Variants in SIPA1L2 observed in about 807,000 individuals in gnomAD.
SIPA1L2 encodes the protein signal-induced proliferation-associated 1-like protein 2.
A neutral mutation model predicts 163.9 loss-of-function variants in SIPA1L2; 56 were observed. The ratio of observed to expected loss-of-function variants is 0.34; its 90% CI spans 0.28 to 0.43. The LOEUF (loss-of-function observed/expected upper bound fraction) is 0.43, where lower values mean the gene tolerates loss of function less well. SIPA1L2 is among the 20% of genes least tolerant of loss of function. The pLI is 1.00. For synonymous variants in SIPA1L2, 877 were observed against 865.7 expected, an observed-to-expected ratio of 1.01 and a Z score of -0.23; for missense variants, 1,974 against 2,193.5, an observed-to-expected ratio of 0.90 and a Z score of 2.00.
intron 21 of SIPA1L2, 84 bp from the exon 22 acceptor site, chr1:232,402,557 T>C: frequency 1.8e-6 from 2 of 1,137,134 alleles, no homozygotes; most frequent in Non-Finnish European, 1.3e-6. Context: ...GAAAAAATTA[T>C]TTCATGTGCT....
chr1:232,612,653 A>G (rs1047960958), intron 1 of SIPA1L2, among the ~76,000 whole-genome samples: 2 of 152,042 alleles, frequency 1.3e-5, no homozygotes, highest in Non-Finnish European at 2.9e-5. Context: ...ATTTACTCAT[A>G]CCTATATCCC....
At chr1:232,542,943 T>G (rs1236289845) in intron 2 of SIPA1L2, among the ~76,000 whole-genome samples, 1 of 152,164 alleles carries the variant, frequency 6.6e-6, no homozygotes, top group Non-Finnish European at 1.5e-5. Flanking sequence ...ATGACAAAAA[T>G]CAGGCTTTGC....
In SIPA1L2 at chr1:232,533,650, CA is replaced by C. The variant is rs575650508; in HGVS notation, c.-269-18043del. 9.8e-5 allele frequency among the ~76,000 whole-genome samples: 15 copies of C among 152,326 alleles called. No homozygotes were observed. The South Asian group carries it at 3.1e-3, about 32-fold the overall frequency. ...ACAGAGGACAAAGCTGAGGCACATA[CA>C]GATGTCCAAGGAAGGCAGAAGGGGA... On this transcript the variant is annotated intron_variant, in intron 2 of 22. Coordinates refer to ENST00000674635, the MANE Select transcript of SIPA1L2 (RefSeq NM_020808.5).
chr1:232,442,752 A>G (rs1233020519), intron 12 of SIPA1L2, among the ~76,000 whole-genome samples: 1 of 152,224 alleles, frequency 6.6e-6, no homozygotes, highest in African/African-American at 2.4e-5. Context: ...TATACAAAAA[A>G]GAACACCAAA....
chr1:232,590,935 C>T (rs761287951), intron 1 of SIPA1L2, among the ~76,000 whole-genome samples: 13 of 152,168 alleles, frequency 8.5e-5, no homozygotes, highest in Non-Finnish European at 1.5e-4. Context: ...TAAGAGTTTC[C>T]TCAACATAGT....
At chr1:232,486,905 T>C (rs548816727) in intron 5 of SIPA1L2, among the ~76,000 whole-genome samples, 1 of 152,350 alleles carries the variant, frequency 6.6e-6, no homozygotes, top group South Asian at 2.1e-4. Context: ...CCAGATTCCA[T>C]ACACTTAACA....
intron 2 of SIPA1L2, among the ~76,000 whole-genome samples, chr1:232,535,168 C>T (rs1469788003): frequency 7.2e-5 from 11 of 152,246 alleles, no homozygotes; most frequent in South Asian, 2.1e-4. Context: ...ATTTAATAAA[C>T]GGCTGAAACA....
At chr1:232,589,527 C>T (rs1351644128) in intron 1 of SIPA1L2, among the ~76,000 whole-genome samples, 1 of 152,234 alleles carries the variant, frequency 6.6e-6, no homozygotes, top group Non-Finnish European at 1.5e-5. Context: ...TCCAATCTCA[C>T]TTCTCTTGTA....
intron 15 of SIPA1L2, among the ~76,000 whole-genome samples, chr1:232,432,903 T>C (rs78694672): frequency 0.089 from 13,493 of 152,234 alleles, 758 homozygotes; most frequent in Non-Finnish European, 0.12. Flanking sequence ...TGCCTGACAA[T>C]ACCCAGTGAC....
chr1:232,399,678 A>G (rs1023666845), intron 22 of SIPA1L2, among the ~76,000 whole-genome samples: 38 of 152,290 alleles, frequency 2.5e-4, no homozygotes, highest in African/African-American at 8.2e-4. Flanking sequence ...TTATAATAAA[A>G]TATGTACTTA....
At chr1:232,564,149 CGTGTGTGTGTGTGTGTGTGTGTGTGT>C (rs560949113) in intron 2 of SIPA1L2, among the ~76,000 whole-genome samples, 2 of 44,612 alleles carry the variant, frequency 4.5e-5, no homozygotes, top group Admixed American at 8.5e-4. Flanking sequence ...TTTTTTTTTT[CGTGTGTGTGTGTGTGTGTGTGTGTGT>C]GTGTGTGTGT....
intron 1 of SIPA1L2, among the ~76,000 whole-genome samples, chr1:232,576,906 G>C (rs957362394): frequency 1.3e-5 from 2 of 152,052 alleles, no homozygotes; most frequent in African/African-American, 2.4e-5. Flanking sequence ...AAGGCTGAGA[G>C]AGGTGAGGAG....
intron 10 of SIPA1L2, among the ~76,000 whole-genome samples, chr1:232,449,852 C>T (rs931973065): frequency 6.6e-6 from 1 of 152,182 alleles, no homozygotes; most frequent in African/African-American, 2.4e-5. Context: ...TTCCATTCTT[C>T]TCAACAACAA....
At chr1:232,585,422 A>G (rs1181234710) in intron 1 of SIPA1L2, among the ~76,000 whole-genome samples, 1 of 152,214 alleles carries the variant, frequency 6.6e-6, no homozygotes, top group East Asian at 1.9e-4. Flanking sequence ...CTCATTATAT[A>G]AGCACAGATG....
chr1:232,468,372 A>G (rs1353224479), intron 8 of SIPA1L2, among the ~76,000 whole-genome samples: 1 of 152,234 alleles, frequency 6.6e-6, no homozygotes, highest in East Asian at 1.9e-4. Flanking sequence ...TGCTGGCCAA[A>G]GGACAATAAA....
At chr1:232,546,592 AAC>A (rs1294060577) in intron 2 of SIPA1L2, among the ~76,000 whole-genome samples, 1 of 152,168 alleles carries the variant, frequency 6.6e-6, no homozygotes, top group African/African-American at 2.4e-5. Context: ...TGGCAAACTG[AAC>A]ACAGTCCCAA....
At chr1:232,562,434 C>T (rs1055748648) in intron 2 of SIPA1L2, among the ~76,000 whole-genome samples, 2 of 152,118 alleles carry the variant, frequency 1.3e-5, no homozygotes, top group Admixed American at 6.5e-5. Flanking sequence ...CAAAGCTACA[C>T]AGGAATTCTA....
At chr1:232,577,645 A>G (rs1660150862) in intron 1 of SIPA1L2, among the ~76,000 whole-genome samples, 1 of 152,192 alleles carries the variant, frequency 6.6e-6, no homozygotes. Flanking sequence ...GTTTGGAAGA[A>G]GTTGACTCCA....
At position 232,538,481 on chromosome 1, in the gene SIPA1L2, T is replaced by C. The variant is rs186152240; in HGVS notation, c.-269-22873A>G. Among the ~76,000 whole-genome samples, 88 of 152,278 alleles carry C rather than the reference T, an allele frequency of 5.8e-4. 2 individuals are homozygous for C. Among genetic ancestry groups the C allele is most frequent in the Non-Finnish European group, 9.7e-4 (66 of 68,004 alleles). Reference sequence around the variant, plus strand: ...CATCGTTCCACATGAAGGCACTCACTCTGTATGGCACCAGCTCCCTTTCCA... The same window carrying C: ...CATCGTTCCACATGAAGGCACTCACCCTGTATGGCACCAGCTCCCTTTCCA... On this transcript the variant is annotated intron_variant, in intron 2 of 22. Coordinates refer to ENST00000674635, the MANE Select transcript of SIPA1L2 (RefSeq NM_020808.5).
Sources: allele counts gnomAD v4.1 joint callset (sites outside exome capture counted in the v4.1 genomes callset), GRCh38; gene constraint gnomAD v4.1.1; transcripts MANE v1.5; gene names NCBI Gene and HGNC (gene_info 2026-07-23, HGNC 2026-07-21).